DNAH14: variants seen among roughly 807,000 people sequenced by gnomAD.
DNAH14 encodes the protein axonemal beta dynein heavy chain 14.
A neutral mutation model predicts 520.9 loss-of-function variants in DNAH14; 478 were observed. The ratio of observed to expected loss-of-function variants is 0.92; its 90% CI spans 0.85 to 0.99. The LOEUF is 0.99. DNAH14 is among the 50% of genes least tolerant of loss of function. The pLI, the probability that DNAH14 is intolerant of heterozygous loss-of-function variation, is 0.00. For missense variants in DNAH14, 4,831 were observed against 5,234.5 expected (o/e 0.92, Z 2.38); for synonymous variants, 1,581 against 1,757.2 (o/e 0.90, Z 2.51).
intron 7 of DNAH14, among the ~76,000 whole-genome samples, chr1:224,970,672 G>A (rs1021289626): frequency 1.3e-5 from 2 of 152,104 alleles, no homozygotes; most frequent in Admixed American, 1.3e-4. Flanking sequence ...GAACCTACGT[G>A]AAATATTGGG....
chr1:224,950,090 T>G (rs1017728980), intron 1 of DNAH14, among the ~76,000 whole-genome samples: 3 of 152,190 alleles, frequency 2.0e-5, no homozygotes, highest in Non-Finnish European at 4.4e-5. Flanking sequence ...CATCTTGATT[T>G]TTTTTTAGTA....
At chr1:224,964,456 A>C in intron 4 of DNAH14, 23 bp from the exon 5 acceptor site, 1 of 1,585,656 alleles carries the variant, frequency 6.3e-7, no homozygotes, top group Non-Finnish European at 8.6e-7. Context: ...CTTATACTGG[A>C]TTTTTAAATT....
At chr1:225,340,767 C>T (rs529429258) in intron 69 of DNAH14, 66 bp downstream of exon 69, 7 of 1,461,400 alleles carry the variant, frequency 4.8e-6, no homozygotes, top group Middle Eastern at 1.9e-4. Flanking sequence ...GTTATAAGAA[C>T]CAAATTTTGA....
chr1:225,180,355 A>G (rs4316333), intron 36 of DNAH14, among the ~76,000 whole-genome samples: 16,334 of 152,134 alleles, frequency 0.11, 1,099 homozygotes, highest in Middle Eastern at 0.18. Flanking sequence ...TTGTGTTGCT[A>G]TAAAGAAATA....
chr1:225,155,469 T>C (rs1161393619), intron 34 of DNAH14, among the ~76,000 whole-genome samples: 1 of 152,184 alleles, frequency 6.6e-6, no homozygotes, highest in African/African-American at 2.4e-5. Context: ...GGCATGTAAA[T>C]AGGCGTCTGT....
At chr1:225,225,115 T>G (rs1455672479) in intron 41 of DNAH14, among the ~76,000 whole-genome samples, 2 of 152,074 alleles carry the variant, frequency 1.3e-5, no homozygotes, top group Admixed American at 1.3e-4. Context: ...ATTGGAGAAA[T>G]GTACCTAAAC....
chr1:225,048,387 A>C (rs992687210), intron 15 of DNAH14, among the ~76,000 whole-genome samples: 4 of 152,186 alleles, frequency 2.6e-5, no homozygotes, highest in Non-Finnish European at 5.9e-5. Context: ...CTGTAATCCC[A>C]GCTACTTGGG....
At chr1:225,310,245 A>C (rs1224340269) in intron 60 of DNAH14, among the ~76,000 whole-genome samples, 2 of 151,862 alleles carry the variant, frequency 1.3e-5, no homozygotes, top group African/African-American at 4.8e-5. Flanking sequence ...CCCTGGCTTC[A>C]GCACAAAGCC....
chr1:225,298,279 AGTGGAGGCACTT>A (rs1205845711), intron 55 of DNAH14, among the ~76,000 whole-genome samples: 2 of 152,204 alleles, frequency 1.3e-5, no homozygotes, highest in East Asian at 3.9e-4. Flanking sequence ...GCATGTCCTT[AGTGGAGGCACTT>A]GTGGGGCTAT....
chr1:225,112,053 A>G (rs1232872404), intron 23 of DNAH14, among the ~76,000 whole-genome samples: 1 of 151,996 alleles, frequency 6.6e-6, no homozygotes, highest in Non-Finnish European at 1.5e-5. Context: ...TAGCCTTTCT[A>G]CTTAAGATAT....
At chr1:225,251,177 CTT>C (rs35025436) in intron 43 of DNAH14, among the ~76,000 whole-genome samples, 1 of 145,946 alleles carries the variant, frequency 6.9e-6, no homozygotes. Flanking sequence ...AAACTATAAA[CTT>C]TTTTTTTTTT....
intron 17 of DNAH14, among the ~76,000 whole-genome samples, chr1:225,057,518 A>G (rs2069297347): frequency 6.6e-6 from 1 of 152,068 alleles, no homozygotes; most frequent in Non-Finnish European, 1.5e-5. Context: ...AATACCCTTT[A>G]TTTCCTTCTC....
Position 225,117,885 on chromosome 1 carries a change from A to G in DNAH14, c.3977A>G (p.His1326Arg). Residue 1326 changes from histidine (H) to arginine (R), a missense_variant, in exon 25 of 86, where the codon CAT becomes CGT. Physicochemically the swap from His to Arg is conservative, Grantham distance 29. Transcript: ENST00000682510. ...ACATTTGTTTCTGGTTCACAGCCTC[A>G]TCTTGTGAAATGCTTTGAAAATATA... ...DSRNPESVQP[H>R]LVKCFENIKQ... 2.6e-6 allele frequency: 4 copies of G among 1,544,452 alleles called. No homozygotes were observed. The highest frequency in any genetic ancestry group is 3.5e-6 in the Non-Finnish European group (4 of 1,140,774).
At chr1:225,361,742 G>T in intron 75 of DNAH14, among the ~76,000 whole-genome samples, 1 of 152,184 alleles carries the variant, frequency 6.6e-6, no homozygotes, top group East Asian at 1.9e-4. Flanking sequence ...TATACCAGCG[G>T]GGCACAGTGG....
At chr1:225,011,429 T>G (rs1286769930) in intron 10 of DNAH14, among the ~76,000 whole-genome samples, 1 of 151,900 alleles carries the variant, frequency 6.6e-6, no homozygotes, top group African/African-American at 2.4e-5. Context: ...TGGGGTGGAG[T>G]GTTGTGTAGA....
Position 225,144,468 on chromosome 1 carries a change from A to G in DNAH14, c.4580A>G (p.Tyr1527Cys), listed in dbSNP as rs1209162399. ...TCTCAAGGAAATGCCAGCTTTACTTATGGCTATGAGTACTTGGGCTGTACC... is the reference window on the plus strand; with the variant it reads ...TCTCAAGGAAATGCCAGCTTTACTTGTGGCTATGAGTACTTGGGCTGTACC... ...YVSQGNASFT[Y>C]GYEYLGCTSR... Residue 1527 changes from tyrosine (Y) to cysteine (C), a missense_variant, in exon 29 of 86, where the codon TAT (tyrosine) becomes TGT (cysteine). Coordinates refer to ENST00000682510, the MANE Select transcript of DNAH14 (RefSeq NM_001367479.1). The G allele has an allele frequency of 1.9e-6, 3 of 1,551,662 alleles. No individual in the cohort carries two copies. The highest frequency in any genetic ancestry group is 8.7e-7 in the Non-Finnish European group (1 of 1,146,966).
intron 54 of DNAH14, among the ~76,000 whole-genome samples, chr1:225,278,555 T>G (rs2149897073): frequency 6.6e-6 from 1 of 152,310 alleles, no homozygotes; most frequent in Admixed American, 6.5e-5. Flanking sequence ...TTCTTTCTGG[T>G]CCTTAGCCTT....
intron 23 of DNAH14, among the ~76,000 whole-genome samples, chr1:225,101,796 T>C (rs2075486556): frequency 6.6e-6 from 1 of 152,220 alleles, no homozygotes; most frequent in South Asian, 2.1e-4. Flanking sequence ...ATTTTGGTTA[T>C]TGTGAATAGT....
chr1:225,335,892 TAC>T (rs1491420792), intron 66 of DNAH14, among the ~76,000 whole-genome samples: 6 of 97,712 alleles, frequency 6.1e-5, no homozygotes, highest in Admixed American at 3.1e-4. Flanking sequence ...TATGTACATA[TAC>T]ATACATATAT....
Sources: allele counts gnomAD v4.1 joint callset (sites outside exome capture counted in the v4.1 genomes callset), GRCh38; gene constraint gnomAD v4.1.1; transcripts MANE v1.5; gene names NCBI Gene and HGNC (gene_info 2026-07-23, HGNC 2026-07-21).